Variants in SYNE1 observed in about 807,000 individuals in gnomAD.
SYNE1 encodes the protein nesprin-1.
SYNE1 carries 616 observed loss-of-function variants against 1,111.0 expected under a neutral mutation model. The observed-to-expected ratio is 0.55, with a 90% CI of 0.52 to 0.59. The LOEUF (loss-of-function observed/expected upper bound fraction) is 0.59. SYNE1 is among the 20% of genes least tolerant of loss of function. SYNE1 has a pLI of 0.00. For synonymous variants in SYNE1, 3,855 were observed against 3,825.8 expected (o/e 1.01, Z -0.28); for missense variants, 10,006 against 10,417.0 (o/e 0.96, Z 1.72).
In SYNE1 at chr6:152,419,577, G is replaced by C. The variant is rs763781396; in HGVS notation, c.5413C>G (p.Arg1805Gly). ...AAAAAAAACCACTTTACCTTATGCCGAGTAAGGGCTACTTGATGGTCCATT... is the reference window on the plus strand; with the variant it reads ...AAAAAAAACCACTTTACCTTATGCCCAGTAAGGGCTACTTGATGGTCCATT... ...SIMDHQVALT[R>G]HKDHAAEVES... The change falls in exon 40 of 146, where the codon CGG becomes GGG. Residue 1805 changes from arginine to glycine, a missense_variant. Transcript: ENST00000367255. 1.2e-6 allele frequency: 2 copies of C among 1,611,508 alleles called. No homozygotes were observed. Among genetic ancestry groups the C allele is most frequent in the Non-Finnish European group, 1.7e-6 (2 of 1,179,534 alleles).
At chr6:152,167,739 A>T (rs1463281343) in intron 130 of SYNE1, 3 of 539,962 alleles carry the variant, frequency 5.6e-6, no homozygotes, top group Admixed American at 1.9e-5. Flanking sequence ...TTTCAGTTTC[A>T]TCAGAAGCCC....
chr6:152,364,722 A>AAGGAAGGG (rs1345618603), intron 63 of SYNE1, 125 bp downstream of exon 63: 3 of 1,068,506 alleles, frequency 2.8e-6, no homozygotes, highest in African/African-American at 3.2e-5. Context: ...GGAAGGAAGG[A>AAGGAAGGG]AGGAAGGGAG....
At chr6:152,405,716 T>G (rs2097888295) in intron 45 of SYNE1, among the ~76,000 whole-genome samples, 1 of 152,214 alleles carries the variant, frequency 6.6e-6, no homozygotes, top group African/African-American at 2.4e-5. Flanking sequence ...AATGTTAGTT[T>G]AGCACCAGAG....
intron 42 of SYNE1, among the ~76,000 whole-genome samples, chr6:152,411,731 C>CAACA (rs60807760): frequency 0.21 from 30,980 of 148,996 alleles, 4,123 homozygotes; most frequent in African/African-American, 0.37. Flanking sequence ...ACACACACCC[C>CAACA]CACACACACA....
intron 38 of SYNE1, 122 bp from the exon 39 acceptor site, chr6:152,425,669 G>A: frequency 8.8e-7 from 1 of 1,132,850 alleles, no homozygotes; most frequent in Non-Finnish European, 1.3e-6. Flanking sequence ...ATTCGGGACA[G>A]GCTGAAGAGA....
intron 90 of SYNE1, 155 bp downstream of exon 90, chr6:152,309,680 G>T (rs982062974): frequency 1.1e-5 from 10 of 925,796 alleles, no homozygotes; most frequent in African/African-American, 6.6e-5. Flanking sequence ...TGATCCAAAT[G>T]ACAGCATTTT....
intron 98 of SYNE1, among the ~76,000 whole-genome samples, chr6:152,270,788 T>C (rs988698548): frequency 6.6e-6 from 1 of 152,064 alleles, no homozygotes; most frequent in African/African-American, 2.4e-5. Context: ...GATAATGGGA[T>C]AGAAAGTTTT....
intron 47 of SYNE1, among the ~76,000 whole-genome samples, chr6:152,400,879 T>G (rs543911468): frequency 5.9e-4 from 90 of 152,230 alleles, no homozygotes; most frequent in African/African-American, 2.0e-3. Context: ...AAAAAAAACT[T>G]TGAACAAGCA....
intron 10 of SYNE1, among the ~76,000 whole-genome samples, 161 bp from the exon 11 acceptor site, chr6:152,498,953 A>G (rs2099014056): frequency 1.3e-5 from 2 of 152,150 alleles, no homozygotes; most frequent in Admixed American, 1.3e-4. Flanking sequence ...TAGCTTTTGA[A>G]ACTACAAAAA....
In SYNE1 at chr6:152,308,596, T is replaced by C. The variant is rs1345467035; in HGVS notation, c.17239A>G (p.Met5747Val). The C allele has an allele frequency of 1.9e-6, 3 of 1,613,696 alleles. No homozygotes were observed. Among genetic ancestry groups the C allele is most frequent in the Non-Finnish European group, 2.5e-6 (3 of 1,179,996 alleles). Residue 5747 changes from methionine (M) to valine (V), a missense_variant, in exon 91 of 146, where the codon ATG becomes GTG. Coordinates refer to ENST00000367255, the MANE Select transcript of SYNE1 (RefSeq NM_182961.4). The part of the protein sequence containing the change: ...VVQYEQYEQE[M>V]KHLQQLIEGA... ...TCTATCAGTTGCTGGAGATGTTTCA[T>C]TTCTTGCTCATATTGTTCATATTGT...
At chr6:152,511,452 T>C (rs956287086) in intron 6 of SYNE1, 11 of 865,552 alleles carry the variant, frequency 1.3e-5, no homozygotes, top group Non-Finnish European at 1.7e-5. Context: ...TAAAAGAAAC[T>C]GCAATGAGAA....
At chr6:152,519,629 AG>A (rs2099129297) in intron 6 of SYNE1, among the ~76,000 whole-genome samples, 1 of 152,226 alleles carries the variant, frequency 6.6e-6, no homozygotes, top group South Asian at 2.1e-4. Flanking sequence ...AGAAGGAATG[AG>A]GAAAACAGAA....
At chr6:152,182,652 T>C (rs915584578) in intron 128 of SYNE1, among the ~76,000 whole-genome samples, 1 of 152,256 alleles carries the variant, frequency 6.6e-6, no homozygotes, top group Non-Finnish European at 1.5e-5. Context: ...AATTCTGTCT[T>C]GGATTTGCTC....
At position 152,430,217 on chromosome 6, in the gene SYNE1, C is replaced by T. The variant is rs2098415934; in HGVS notation, c.4690-7G>A. The T allele has an allele frequency of 6.3e-7, 1 of 1,588,812 alleles. No homozygotes were observed. Among genetic ancestry groups the T allele is most frequent in the Non-Finnish European group, 8.6e-7 (1 of 1,161,982 alleles). On this transcript the variant is annotated splice_region_variant and splice_polypyrimidine_tract_variant and intron_variant, in intron 35 of 145. Coordinates refer to ENST00000367255, the MANE Select transcript of SYNE1 (RefSeq NM_182961.4). Reference sequence around the variant, plus strand: ...CAGACACAGATTGCTGGATCTAAAACATTGGTGCAATATAAAAATAACAGT... The same window carrying T: ...CAGACACAGATTGCTGGATCTAAAATATTGGTGCAATATAAAAATAACAGT...
intron 34 of SYNE1, 126 bp downstream of exon 34, chr6:152,433,669 T>C: frequency 8.7e-7 from 1 of 1,148,490 alleles, no homozygotes; most frequent in Non-Finnish European, 1.3e-6. Flanking sequence ...AATGTATGAA[T>C]TTAATTTTAA....
chr6:152,482,971 A>G (rs1054196877), intron 14 of SYNE1, 114 bp downstream of exon 14: 3 of 1,196,906 alleles, frequency 2.5e-6, no homozygotes, highest in African/African-American at 3.0e-5. Flanking sequence ...GACGTCTCCG[A>G]TCATGTAGAA....
At position 152,458,860 on chromosome 6, in the gene SYNE1, T is replaced by C; in HGVS notation, c.2465A>G (p.Lys822Arg). ...TGAGTCATAAAAGGACGTCATCTGC[T>C]TTTCTAATTCCTCCAACGGAATCAA... ...QLLIPLEELE[K>R]QMTSFYDSLG... Residue 822 changes from lysine (K) to arginine (R), a missense_variant, in exon 22 of 146, where the codon AAG becomes AGG. Transcript: ENST00000367255. The C allele has an allele frequency of 6.2e-7, 1 of 1,614,112 alleles. No homozygotes were observed. The highest frequency in any genetic ancestry group is 1.1e-5 in the South Asian group (1 of 91,082).
chr6:152,275,418 A>T (rs2093543417), intron 98 of SYNE1, among the ~76,000 whole-genome samples: 2 of 152,250 alleles, frequency 1.3e-5, no homozygotes, highest in Admixed American at 1.3e-4. Flanking sequence ...GATTATTTAC[A>T]GAGTGAGTCA....
intron 56 of SYNE1, among the ~76,000 whole-genome samples, chr6:152,377,636 AAAAAATATATATATAT>A (rs1452438047): frequency 4.4e-5 from 3 of 68,802 alleles, no homozygotes; most frequent in African/African-American, 2.5e-4. Flanking sequence ...AAAAAAAAAA[AAAAAATATATATATAT>A]ATATATATAT....
Sources: gnomAD v4.1 joint callset for allele counts (sites outside exome capture counted in the v4.1 genomes callset) on GRCh38, gnomAD v4.1.1 for gene constraint, MANE v1.5 for transcripts, NCBI Gene and HGNC (gene_info 2026-07-23, HGNC 2026-07-21) for gene names.